Variants in TMEM87A observed in about 807,000 individuals in gnomAD.
TMEM87A encodes the protein Golgi-pH regulating cation channel.
In TMEM87A, 50 loss-of-function variants were observed where a neutral mutation model predicts 90.0. The observed-to-expected ratio is 0.56, with a 90% CI of 0.44 to 0.70. The LOEUF is 0.70. TMEM87A is among the 30% of genes least tolerant of loss of function. The probability of loss-of-function intolerance (pLI) is 0.00; values close to 1 mark genes in which losing one functional copy is unlikely to be tolerated. For missense variants in TMEM87A, 577 were observed against 660.5 expected (o/e 0.87, Z 1.39); for synonymous variants, 226 against 226.7 (o/e 1.00, Z 0.03).
Position 42,233,275 on chromosome 15 carries a change from C to T in TMEM87A, c.1000G>A (p.Val334Ile). The change falls in exon 11 of 20, where the codon GTA (valine) becomes ATA (isoleucine). Residue 334 changes from valine (V) to isoleucine (I), a missense_variant. Val to Ile is a conservative substitution (Grantham distance 29, BLOSUM62 3). Coordinates refer to ENST00000389834, the MANE Select transcript of TMEM87A (RefSeq NM_015497.5). ...AAAAGATAGAGGGCTCCTGCTACTACAACCTTATGAAGAGTGACTCCAAGG... is the reference window on the plus strand; with the variant it reads ...AAAAGATAGAGGGCTCCTGCTACTATAACCTTATGAAGAGTGACTCCAAGG... ...PRLGVTLHKV[V>I]VAGALYLLFS... The T allele has an allele frequency of 1.2e-6, 2 of 1,614,018 alleles. No homozygotes were observed. Among genetic ancestry groups the T allele is most frequent in the South Asian group, 1.1e-5 (1 of 91,080 alleles).
rs372093492 is a variant in TMEM87A at position 42,231,581 on chromosome 15, T to C, written c.1063-321A>G. ...TTCTAATGTTTATAAGCCCCATCCT[T>C]AATCTATCATTTCCTATTATTGCAA... On this transcript the variant is annotated intron_variant, in intron 11 of 19. Transcript: ENST00000389834. 5.3e-5 allele frequency among the ~76,000 whole-genome samples: 8 copies of C among 152,316 alleles called. No individual in the cohort carries two copies. The East Asian group carries it at 1.2e-3, about 22-fold the overall frequency.
chr15:42,258,250 A>G, intron 6 of TMEM87A: 1 of 776,820 alleles, frequency 1.3e-6, no homozygotes, highest in Non-Finnish European at 1.6e-6. Context: ...CATATAATAC[A>G]TACTCTAAGA....
At chr15:42,259,827 T>C (rs925336845) in intron 6 of TMEM87A, among the ~76,000 whole-genome samples, 3 of 152,104 alleles carry the variant, frequency 2.0e-5, no homozygotes. Context: ...TGAGACAGAG[T>C]GTAAACTGTG....
At chr15:42,273,130 C>T (rs1167806125) in intron 1 of TMEM87A, 125 bp downstream of exon 1, 3 of 1,254,912 alleles carry the variant, frequency 2.4e-6, no homozygotes, top group Non-Finnish European at 2.2e-6. Flanking sequence ...GCTAGCCACA[C>T]AGACCATCCC....
Position 42,211,075 on chromosome 15 carries a change from GT to G in TMEM87A, c.*632del. ...GAAAAATCTTTAATATACACCATTTGTAAACAAAATTGCACTTGATTTTGCT... is the reference window on the plus strand; with the variant it reads ...GAAAAATCTTTAATATACACCATTTGAAACAAAATTGCACTTGATTTTGCT... On this transcript the variant is annotated 3_prime_UTR_variant, in exon 20 of 20. Coordinates refer to ENST00000389834, the MANE Select transcript of TMEM87A (RefSeq NM_015497.5). The G allele has an allele frequency of 6.6e-6, 1 of 151,534 alleles. No individual in the cohort carries two copies. Among genetic ancestry groups the G allele is most frequent in the East Asian group, 1.9e-4 (1 of 5,176 alleles). 9.4% of individuals were successfully genotyped at this position (151,534 alleles called of 1,614,324 possible).
At chr15:42,234,452 C>G (rs1566928859) in intron 10 of TMEM87A, among the ~76,000 whole-genome samples, 1 of 152,134 alleles carries the variant, frequency 6.6e-6, no homozygotes, top group Non-Finnish European at 1.5e-5. Flanking sequence ...ATTTTCTCCC[C>G]ATTCATCTTG....
chr15:42,213,319 T>G (rs1268707207), intron 19 of TMEM87A, among the ~76,000 whole-genome samples: 1 of 152,182 alleles, frequency 6.6e-6, no homozygotes, highest in African/African-American at 2.4e-5. Flanking sequence ...AAGTGGAAGT[T>G]TGGACTAGCA....
intron 10 of TMEM87A, among the ~76,000 whole-genome samples, chr15:42,235,348 T>G (rs1401660342): frequency 6.6e-6 from 1 of 152,190 alleles, no homozygotes; most frequent in African/African-American, 2.4e-5. Context: ...TTCATGACTT[T>G]AAATAATATC....
At chr15:42,264,538 AATATTCATGCTC>A (rs2051359410) in intron 3 of TMEM87A, among the ~76,000 whole-genome samples, 1 of 150,122 alleles carries the variant, frequency 6.7e-6, no homozygotes, top group Non-Finnish European at 1.5e-5. Flanking sequence ...TCAACAAAAA[AATATTCATGCTC>A]ATAAGCTAAG....
chr15:42,216,050 A>G (rs1458402428), intron 19 of TMEM87A, among the ~76,000 whole-genome samples: 2 of 152,232 alleles, frequency 1.3e-5, no homozygotes, highest in African/African-American at 4.8e-5. Context: ...ACACTTGTCA[A>G]CCTTAAAAAG....
intron 1 of TMEM87A, 146 bp downstream of exon 1, chr15:42,273,109 G>T: frequency 1.0e-6 from 1 of 978,584 alleles, no homozygotes; most frequent in Non-Finnish European, 1.5e-6. Context: ...CAGGGAGGTG[G>T]GTCCCAGTTG....
chr15:42,263,792 A>G (rs544364625), intron 4 of TMEM87A, among the ~76,000 whole-genome samples: 9 of 152,318 alleles, frequency 5.9e-5, no homozygotes, highest in Admixed American at 5.2e-4. Context: ...CTGCACAGCA[A>G]TGTGAATATA....
intron 14 of TMEM87A, 95 bp downstream of exon 14, chr15:42,227,616 T>C: frequency 1.8e-6 from 2 of 1,094,546 alleles, no homozygotes; most frequent in Non-Finnish European, 2.7e-6. Flanking sequence ...TAATTTTTTA[T>C]AAGGTATATA....
intron 15 of TMEM87A, among the ~76,000 whole-genome samples, chr15:42,225,634 C>T (rs750573845): frequency 8.5e-5 from 13 of 152,108 alleles, no homozygotes; most frequent in South Asian, 4.1e-4. Context: ...CGGGTTCAAG[C>T]GATTCTTGTG....
intron 15 of TMEM87A, 140 bp downstream of exon 15, chr15:42,226,666 A>C (rs766548941): frequency 2.7e-5 from 19 of 713,632 alleles, no homozygotes; most frequent in Non-Finnish European, 4.5e-5. Flanking sequence ...GAGCTGAGAT[A>C]GGAACCCAGT....
At chr15:42,223,017 A>G (rs2050523119) in intron 15 of TMEM87A, among the ~76,000 whole-genome samples, 1 of 152,228 alleles carries the variant, frequency 6.6e-6, no homozygotes, top group Non-Finnish European at 1.5e-5. Context: ...ACAGCATAAA[A>G]ATCATAAGAT....
chr15:42,246,341 A>G (rs936387923), intron 6 of TMEM87A, among the ~76,000 whole-genome samples: 1 of 152,172 alleles, frequency 6.6e-6, no homozygotes, highest in Admixed American at 6.5e-5. Context: ...ACATGTGCAC[A>G]ACGTGCAGGT....
intron 7 of TMEM87A, among the ~76,000 whole-genome samples, chr15:42,243,348 C>A (rs2050909821): frequency 6.7e-6 from 1 of 150,178 alleles, no homozygotes; most frequent in African/African-American, 2.4e-5. Context: ...AAGGAAATTG[C>A]AAAAACACAA....
intron 2 of TMEM87A, among the ~76,000 whole-genome samples, chr15:42,270,694 G>A (rs1409758825): frequency 2.0e-5 from 3 of 152,074 alleles, no homozygotes; most frequent in Non-Finnish European, 4.4e-5. Flanking sequence ...CAGCAAACAG[G>A]CTGTCAAGCT....
Sources: allele counts gnomAD v4.1 joint callset (sites outside exome capture counted in the v4.1 genomes callset), GRCh38; gene constraint gnomAD v4.1.1; transcripts MANE v1.5; gene names NCBI Gene and HGNC (gene_info 2026-07-23, HGNC 2026-07-21).